The following E2F7 variants were observed in gnomAD, a reference collection of about 807,000 sequenced individuals.
E2F7 encodes E2F transcription factor 7.
In E2F7, 35 loss-of-function variants were observed where a neutral mutation model predicts 81.1. The ratio of observed to expected loss-of-function variants is 0.43; its 90% confidence interval spans 0.33 to 0.57. The LOEUF is 0.57. Among genes scored for constraint, E2F7 ranks in the 20% least tolerant of loss-of-function variants. The probability of loss-of-function intolerance (pLI) is 0.04; values close to 1 mark genes in which losing one functional copy is unlikely to be tolerated. For synonymous variants in E2F7, 416 were observed against 416.2 expected, an observed-to-expected ratio of 1.00 and a Z score of 0.01; for missense variants, 961 against 1,093.7, an observed-to-expected ratio of 0.88 and a Z score of 1.71.
At chr12:77,034,191 G>T in intron 7 of E2F7, 149 bp from the exon 8 acceptor site, 2 of 623,912 alleles carry the variant, frequency 3.2e-6, no homozygotes, top group Non-Finnish European at 2.5e-6. Flanking sequence ...AATTTTATGA[G>T]CCTTGTCTCA....
At chr12:77,063,799 C>A (rs1439581809) in intron 2 of E2F7, among the ~76,000 whole-genome samples, 2 of 152,154 alleles carry the variant, frequency 1.3e-5, no homozygotes, top group African/African-American at 2.4e-5. Context: ...AAAAATAAGA[C>A]CAGGAGCTCG....
chr12:77,026,065 C>T, intron 11 of E2F7, 83 bp from the exon 12 acceptor site: 1 of 1,420,550 alleles, frequency 7.0e-7, no homozygotes, highest in Non-Finnish European at 9.3e-7. Flanking sequence ...ATGGCCCTTT[C>T]AAACGGGAGT....
chr12:77,028,118 G>A lies in E2F7; in HGVS notation c.1905C>T (p.Asp635=). ...TACCCATAGTCTTGGGAGAGGCAAG[G>A]TCTGTGGAATCTGAGGGTTTCTAAA... is the stretch of plus-strand genomic sequence containing the variant. ...VMPKKPSDST[D]LASPKTMGNR... The change falls in exon 11 of 13, where the codon GAC becomes GAT. Residue 635 remains aspartate, a synonymous_variant. Transcript: ENST00000322886. 1 of 1,613,886 alleles carries A rather than the reference G, an allele frequency of 6.2e-7. No individual in the cohort carries two copies. The highest frequency in any genetic ancestry group is 8.5e-7 in the Non-Finnish European group (1 of 1,179,942).
At chr12:77,052,054 A>G (rs1473234845) in intron 3 of E2F7, among the ~76,000 whole-genome samples, 1 of 152,234 alleles carries the variant, frequency 6.6e-6, no homozygotes, top group African/African-American at 2.4e-5. Flanking sequence ...CATTTACGAA[A>G]GCAACAAAAA....
chr12:77,048,431 A>G (rs1291455616), intron 4 of E2F7, among the ~76,000 whole-genome samples: 1 of 152,142 alleles, frequency 6.6e-6, no homozygotes. Flanking sequence ...AGCCCAGAAA[A>G]CAGTTTCCTA....
intron 10 of E2F7, 60 bp downstream of exon 10, chr12:77,029,771 T>A: frequency 6.3e-7 from 1 of 1,589,436 alleles, no homozygotes; most frequent in African/African-American, 1.3e-5. Flanking sequence ...TGTATCTTCA[T>A]TAGGAAGAAG....
At chr12:77,025,262 T>A (rs1481540500) in intron 12 of E2F7, among the ~76,000 whole-genome samples, 1 of 152,140 alleles carries the variant, frequency 6.6e-6, no homozygotes, top group Admixed American at 6.5e-5. Context: ...ACCAAAATAA[T>A]AAAAATATTT....
At chr12:77,046,941 T>A (rs556273626) in intron 4 of E2F7, among the ~76,000 whole-genome samples, 4 of 152,324 alleles carry the variant, frequency 2.6e-5, no homozygotes, top group African/African-American at 9.6e-5. Flanking sequence ...ACCCTTCTCA[T>A]ATTGCTGAAA....
At chr12:77,053,967 A>T (rs1488140755) in intron 3 of E2F7, among the ~76,000 whole-genome samples, 3 of 152,196 alleles carry the variant, frequency 2.0e-5, no homozygotes, top group Non-Finnish European at 4.4e-5. Context: ...CAAATAGTCT[A>T]TCAAAAGGTA....
chr12:77,053,982 A>G (rs1756038134), intron 3 of E2F7, among the ~76,000 whole-genome samples: 1 of 152,196 alleles, frequency 6.6e-6, no homozygotes, highest in Non-Finnish European at 1.5e-5. Context: ...AAGGTAATAA[A>G]GACTAGTTTT....
At chr12:77,048,646 T>G (rs1348981113) in intron 4 of E2F7, among the ~76,000 whole-genome samples, 1 of 152,166 alleles carries the variant, frequency 6.6e-6, no homozygotes, top group Non-Finnish European at 1.5e-5. Context: ...TGAAACAGCT[T>G]CCAGCAAGGG....
chr12:77,048,590 G>C (rs981245913), intron 4 of E2F7, among the ~76,000 whole-genome samples: 1 of 152,162 alleles, frequency 6.6e-6, no homozygotes, highest in Non-Finnish European at 1.5e-5. Flanking sequence ...CTGTAACCTG[G>C]GATGTAGCAC....
chr12:77,062,110 C>G (rs916816542), intron 2 of E2F7, among the ~76,000 whole-genome samples: 1 of 152,100 alleles, frequency 6.6e-6, no homozygotes, highest in Admixed American at 6.6e-5. Flanking sequence ...GGGTGGACAA[C>G]ATGTTCATCT....
intron 8 of E2F7, 50 bp from the exon 9 acceptor site, chr12:77,033,172 A>G: frequency 6.8e-7 from 1 of 1,472,822 alleles, no homozygotes; most frequent in Non-Finnish European, 9.5e-7. Flanking sequence ...ACTTATACAT[A>G]CCAACTATAT....
chr12:77,055,805 G>C (rs926906435), intron 3 of E2F7, 50 bp downstream of exon 3: 2 of 1,521,538 alleles, frequency 1.3e-6, no homozygotes, highest in Non-Finnish European at 1.8e-6. Context: ...TAATAATCAA[G>C]TAAAATTGTT....
Position 77,027,983 on chromosome 12 carries a change from T to C in E2F7, c.2040A>G (p.Gly680=). The change falls in exon 11 of 13, where the codon GGA becomes GGG. Residue 680 remains glycine, a synonymous_variant. Coordinates refer to ENST00000322886, the MANE Select transcript of E2F7 (RefSeq NM_203394.3). Reference sequence around the variant, plus strand: ...CAACATCTGTATTTCTTGAAGGATTTCCCCACTCAGAAGAAACAAGAGAGT... The same window carrying C: ...CAACATCTGTATTTCTTGAAGGATTCCCCCACTCAGAAGAAACAAGAGAGT... ...TANSLVSSEW[G]NPSRNTDVEK... 6.2e-7 allele frequency: 1 copy of C among 1,614,192 alleles called. No individual in the cohort carries two copies. Among genetic ancestry groups the C allele is most frequent in the Non-Finnish European group, 8.5e-7 (1 of 1,180,028 alleles).
rs754519980 is a variant in E2F7 at position 77,055,927 on chromosome 12, C to A, written c.297G>T (p.Arg99Ser). The change falls in exon 3 of 13, where the codon AGG becomes AGT. Residue 99 changes from arginine to serine, a missense_variant. By Grantham distance (110) the Arg-to-Ser change is moderately radical. This residue lies in a region of E2F7 where 301 missense variants were observed against 405.0 expected (regional missense o/e 0.74). Coordinates refer to ENST00000322886, the MANE Select transcript of E2F7 (RefSeq NM_203394.3). ...ATAGTCCCTTTTTCTTCTCCCGGTCCCTTATATCTGGGCTGGCAGCACTAA... is the reference window on the plus strand; with the variant it reads ...ATAGTCCCTTTTTCTTCTCCCGGTCACTTATATCTGGGCTGGCAGCACTAA... ...MLISAASPDI[R>S]DREKKKGLFR... The A allele has an allele frequency of 6.2e-7, 1 of 1,613,962 alleles. No individual in the cohort carries two copies.
At chr12:77,039,629 A>T (rs1361327732) in intron 7 of E2F7, among the ~76,000 whole-genome samples, 1 of 152,206 alleles carries the variant, frequency 6.6e-6, no homozygotes, top group African/African-American at 2.4e-5. Context: ...ACCTATCAGG[A>T]TGGCTAAAAT....
chr12:77,036,551 A>G (rs543100841), intron 7 of E2F7, among the ~76,000 whole-genome samples: 1 of 152,106 alleles, frequency 6.6e-6, no homozygotes, highest in African/African-American at 2.4e-5. Flanking sequence ...AATAAAATAA[A>G]TTTAAAAAAA....
Sources: gnomAD v4.1 joint callset for allele counts (sites outside exome capture counted in the v4.1 genomes callset) on GRCh38, gnomAD v4.1.1 for gene constraint, gnomAD v4.1.1 regional missense constraint, MANE v1.5 for transcripts, NCBI Gene and HGNC (gene_info 2026-07-23, HGNC 2026-07-21) for gene names.